Variants in RASGRP3 observed in about 807,000 individuals in gnomAD.
RASGRP3 encodes RAS guanyl releasing protein 3.
RASGRP3 carries 54 observed loss-of-function variants against 82.7 expected under a neutral mutation model. The ratio of observed to expected loss-of-function variants is 0.65; its 90% CI spans 0.52 to 0.82. The LOEUF is 0.82. Ranked by LOEUF, RASGRP3 falls within the 40% of genes least tolerant of loss-of-function variation. RASGRP3 has a pLI of 0.00. For synonymous variants in RASGRP3, 309 were observed against 300.5 expected, an observed-to-expected ratio of 1.03 and a Z score of -0.29; for missense variants, 861 against 828.9, an observed-to-expected ratio of 1.04 and a Z score of -0.48.
At chr2:33,559,557 G>A (rs1259938141) in intron 17 of RASGRP3, 1 of 514,702 alleles carries the variant, frequency 1.9e-6, no homozygotes, top group Admixed American at 2.0e-5. Flanking sequence ...CTCCGCATGA[G>A]CAAAATCATG....
chr2:33,442,333 C>T lies in RASGRP3; in HGVS notation c.-384-5487C>T, dbSNP rs558509781. On this transcript the variant is annotated intron_variant, in intron 1 of 18. Coordinates refer to the RASGRP3 transcript ENST00000402538. ...GAGCCAAGATCGCGCCGCTGCACTC[C>T]AGCCTGGGTGACAGAGCGAGACTAC... Among the ~76,000 whole-genome samples the T allele has an allele frequency of 1.4e-3, 216 of 152,332 alleles. 1 individual carries two copies. The highest frequency in any genetic ancestry group is 4.9e-3 in the African/African-American group (203 of 41,568).
At chr2:33,483,860 C>T (rs193014979) in intron 1 of RASGRP3, among the ~76,000 whole-genome samples, 20 of 152,252 alleles carry the variant, frequency 1.3e-4, no homozygotes, top group African/African-American at 4.6e-4. Context: ...TGTATGTATG[C>T]AGTTTTAATT....
chr2:33,546,915 A>T (rs1315857894), intron 13 of RASGRP3, among the ~76,000 whole-genome samples: 1 of 151,840 alleles, frequency 6.6e-6, no homozygotes, highest in Non-Finnish European at 1.5e-5. Flanking sequence ...GAAAATACAA[A>T]AATTAGCCGG....
intron 1 of RASGRP3, among the ~76,000 whole-genome samples, chr2:33,444,552 G>C (rs1013504214): frequency 1.3e-5 from 2 of 152,226 alleles, no homozygotes; most frequent in Admixed American, 6.5e-5. Flanking sequence ...GAAGAGCTAC[G>C]GTGCCACCCA....
chr2:33,563,445 T>C lies in RASGRP3; in HGVS notation c.*708T>C, dbSNP rs988474880. On this transcript the variant is annotated 3_prime_UTR_variant, in exon 18 of 18. Coordinates refer to ENST00000403687, the MANE Select transcript of RASGRP3 (RefSeq NM_001139488.2). ...CCAATTCTGCGTCACTAGGAAGCTA[T>C]AGCATGGTCGTGAAAGCTCTCCTAA... The C allele has an allele frequency of 6.6e-6, 1 of 152,136 alleles. No individual in the cohort carries two copies. Among genetic ancestry groups the C allele is most frequent in the Admixed American group, 6.5e-5 (1 of 15,282 alleles). The allele number at this position is 152,136 out of a possible 1,614,324, so 9.4% of individuals were successfully genotyped here. A position where few individuals can be genotyped will look rare whatever the true frequency, so the allele number is the denominator to read the frequency against.
At chr2:33,444,519 A>G (rs1665401654) in intron 1 of RASGRP3, among the ~76,000 whole-genome samples, 3 of 152,224 alleles carry the variant, frequency 2.0e-5, no homozygotes, top group Admixed American at 6.5e-5. Context: ...TGGCTACTGT[A>G]TAAGACAGTG....
intron 2 of RASGRP3, among the ~76,000 whole-genome samples, chr2:33,454,570 C>T (rs1044997279): frequency 9.9e-5 from 15 of 152,190 alleles, no homozygotes; most frequent in African/African-American, 3.6e-4. Flanking sequence ...ACATTATCTA[C>T]CTTTGTTTCC....
chr2:33,526,687 A>G (rs1467971148), intron 9 of RASGRP3, among the ~76,000 whole-genome samples: 1 of 152,230 alleles, frequency 6.6e-6, no homozygotes, highest in Admixed American at 6.5e-5. Context: ...GGCAGAATAT[A>G]GAACCACAGC....
chr2:33,508,217 G>A (rs1357104824), intron 1 of RASGRP3, among the ~76,000 whole-genome samples: 3 of 152,128 alleles, frequency 2.0e-5, no homozygotes, highest in Non-Finnish European at 4.4e-5. Flanking sequence ...ATTTAGAGAT[G>A]CCTGAGATTC....
At chr2:33,464,633 A>C (rs1428597713) in intron 2 of RASGRP3, among the ~76,000 whole-genome samples, 1 of 151,998 alleles carries the variant, frequency 6.6e-6, no homozygotes, top group Non-Finnish European at 1.5e-5. Context: ...CCGCCACACC[A>C]AGCTGATTTC....
At chr2:33,560,393 G>A (rs1391897368) in intron 17 of RASGRP3, among the ~76,000 whole-genome samples, 1 of 152,104 alleles carries the variant, frequency 6.6e-6, no homozygotes, top group Non-Finnish European at 1.5e-5. Context: ...GAATATAAAC[G>A]AGAATAAGAG....
At chr2:33,544,304 ACT>A (rs919320433) in intron 13 of RASGRP3, among the ~76,000 whole-genome samples, 12 of 151,394 alleles carry the variant, frequency 7.9e-5, no homozygotes, top group African/African-American at 9.7e-5. Context: ...ACTGAGTGAG[ACT>A]CTGTCTCAAA....
chr2:33,505,504 G>A (rs1473000597), intron 1 of RASGRP3, among the ~76,000 whole-genome samples: 5 of 152,114 alleles, frequency 3.3e-5, no homozygotes, highest in Non-Finnish European at 7.4e-5. Context: ...GTTTCTCCAT[G>A]TTGGTCAGGC....
chr2:33,514,782 A>G (rs531907668), intron 2 of RASGRP3, among the ~76,000 whole-genome samples: 2 of 152,272 alleles, frequency 1.3e-5, no homozygotes, highest in African/African-American at 2.4e-5. Context: ...GTGGGATGGT[A>G]TATAACAGGG....
intron 1 of RASGRP3, among the ~76,000 whole-genome samples, chr2:33,503,493 A>T (rs1670072777): frequency 6.6e-6 from 1 of 152,200 alleles, no homozygotes; most frequent in South Asian, 2.1e-4. Flanking sequence ...AAAACATCTG[A>T]AACAAAAGGG....
In RASGRP3 at chr2:33,477,146, T is replaced by G. The variant is rs1667451297; in HGVS notation, c.-261+439T>G. On this transcript the variant is annotated intron_variant, in intron 1 of 17. Coordinates refer to ENST00000403687, the MANE Select transcript of RASGRP3 (RefSeq NM_001139488.2). ...ACTGAAACCTGAAAACGTAGTTGTT[T>G]AAAGTAACTTGTGAATTTATTGTAT... is the stretch of plus-strand genomic sequence containing the variant. 2.0e-5 allele frequency among the ~76,000 whole-genome samples: 3 copies of G among 152,236 alleles called. No homozygotes were observed. The South Asian group carries it at 6.2e-4, about 31-fold the overall frequency.
At chr2:33,451,626 GATTTC>G (rs781387299) in intron 2 of RASGRP3, among the ~76,000 whole-genome samples, 1 of 151,904 alleles carries the variant, frequency 6.6e-6, no homozygotes, top group Non-Finnish European at 1.5e-5. Context: ...GTAAGGGTTC[GATTTC>G]ATTTACTGCT....
At chr2:33,544,426 G>C (rs965430679) in intron 13 of RASGRP3, among the ~76,000 whole-genome samples, 2 of 151,440 alleles carry the variant, frequency 1.3e-5, no homozygotes, top group Non-Finnish European at 2.9e-5. Context: ...TCTTGATAAA[G>C]AAAAAATATA....
intron 1 of RASGRP3, among the ~76,000 whole-genome samples, chr2:33,486,771 G>T (rs1668432491): frequency 6.6e-6 from 1 of 152,146 alleles, no homozygotes; most frequent in African/African-American, 2.4e-5. Context: ...AGAAGAAAAA[G>T]ACTATATTTG....
Sources: allele counts gnomAD v4.1 joint callset (sites outside exome capture counted in the v4.1 genomes callset), GRCh38; gene constraint gnomAD v4.1.1; transcripts MANE v1.5; gene names NCBI Gene and HGNC (gene_info 2026-07-23, HGNC 2026-07-21).